Variants in UST observed in about 807,000 individuals in gnomAD.
UST encodes chondroitin sulfate 2-O-sulfotransferase.
In UST, 21 loss-of-function variants were observed where a neutral mutation model predicts 45.6. The ratio of observed to expected loss-of-function variants is 0.46; its 90% confidence interval spans 0.33 to 0.66. The LOEUF is 0.66. Among genes scored for constraint, UST ranks in the 30% least tolerant of loss-of-function variants. UST has a pLI of 0.02. For missense variants in UST, 463 were observed against 512.4 expected, an observed-to-expected ratio of 0.90 and a Z score of 0.93; for synonymous variants, 215 against 200.6, an observed-to-expected ratio of 1.07 and a Z score of -0.61.
intron 1 of UST, among the ~76,000 whole-genome samples, chr6:148,759,448 A>G (rs557706874): frequency 2.6e-5 from 4 of 151,636 alleles, no homozygotes; most frequent in Non-Finnish European, 5.9e-5. Context: ...AATGTCATGA[A>G]CCCAGGAGGC....
At chr6:148,986,763 C>T (rs1781245709) in intron 5 of UST, among the ~76,000 whole-genome samples, 1 of 152,226 alleles carries the variant, frequency 6.6e-6, no homozygotes, top group African/African-American at 2.4e-5. Flanking sequence ...CTGTGGAGAG[C>T]TTGCCATGCC....
chr6:148,855,061 C>G (rs933190466), intron 1 of UST, among the ~76,000 whole-genome samples: 2 of 152,148 alleles, frequency 1.3e-5, no homozygotes, highest in South Asian at 4.1e-4. Flanking sequence ...AGAGCTTGTA[C>G]AGGCTTTTTA....
intron 5 of UST, among the ~76,000 whole-genome samples, chr6:149,001,556 C>T (rs1206090000): frequency 1.3e-5 from 2 of 152,160 alleles, no homozygotes; most frequent in African/African-American, 2.4e-5. Flanking sequence ...CAATAGATAT[C>T]AGATGACAGT....
rs565352569 is a variant in UST, at chr6:148,765,548, G to A, written c.247+17871G>A. Among the ~76,000 whole-genome samples the A allele has an allele frequency of 3.3e-5, 5 of 152,288 alleles. No individual in the cohort carries two copies. The East Asian group carries it at 9.6e-4, about 29-fold the overall frequency. On this transcript the variant is annotated intron_variant, in intron 1 of 7. Transcript: ENST00000367463. ...CACACATGCTCTACAAACAATTTGTGTAGTTAATACAATCGTCACAGGGTC... is the reference window on the plus strand; with the variant it reads ...CACACATGCTCTACAAACAATTTGTATAGTTAATACAATCGTCACAGGGTC...
chr6:149,054,077 CA>C (rs1298571977), intron 7 of UST, among the ~76,000 whole-genome samples: 1 of 152,166 alleles, frequency 6.6e-6, no homozygotes, highest in Non-Finnish European at 1.5e-5. Context: ...CCATGCCCAG[CA>C]GCTCCCTCCC....
chr6:148,836,188 C>G (rs1204177128), intron 1 of UST, among the ~76,000 whole-genome samples: 1 of 152,154 alleles, frequency 6.6e-6, no homozygotes, highest in Admixed American at 6.5e-5. Context: ...AGCCCTGCAG[C>G]TACGTGTGCT....
chr6:148,886,555 C>A (rs997767593), intron 1 of UST, among the ~76,000 whole-genome samples: 1 of 152,164 alleles, frequency 6.6e-6, no homozygotes, highest in African/African-American at 2.4e-5. Flanking sequence ...GTATGGGGTT[C>A]AGGACCGGCA....
chr6:148,753,014 G>A (rs2114644392), intron 1 of UST, among the ~76,000 whole-genome samples: 1 of 152,240 alleles, frequency 6.6e-6, no homozygotes, highest in South Asian at 2.1e-4. Flanking sequence ...CAGAAATAGG[G>A]ACAGAAACAC....
At chr6:148,899,091 CCTTTT>C in intron 2 of UST, among the ~76,000 whole-genome samples, 1 of 127,240 alleles carries the variant, frequency 7.9e-6, no homozygotes, top group Non-Finnish European at 1.6e-5. Flanking sequence ...GCTACCTAAT[CCTTTT>C]TTTTTTTTTT....
chr6:148,980,895 AT>A (rs1459604664), intron 5 of UST, among the ~76,000 whole-genome samples: 5 of 149,318 alleles, frequency 3.3e-5, no homozygotes, highest in African/African-American at 1.2e-4. Flanking sequence ...AATTTTTGTA[AT>A]TTTTTTTTTG....
At chr6:149,013,235 G>A in intron 5 of UST, among the ~76,000 whole-genome samples, 1 of 152,200 alleles carries the variant, frequency 6.6e-6, no homozygotes, top group East Asian at 1.9e-4. Flanking sequence ...TCTAGATCTT[G>A]AGATTATAAA....
At chr6:148,827,077 A>C (rs187696057) in intron 1 of UST, among the ~76,000 whole-genome samples, 9 of 152,300 alleles carry the variant, frequency 5.9e-5, no homozygotes, top group African/African-American at 1.9e-4. Flanking sequence ...ACCAATAAAT[A>C]AGGGCATTGT....
At chr6:149,010,932 A>ATTTGTC (rs1459237761) in intron 5 of UST, among the ~76,000 whole-genome samples, 1 of 137,500 alleles carries the variant, frequency 7.3e-6, no homozygotes, top group Non-Finnish European at 1.6e-5. Context: ...GTGACTATTT[A>ATTTGTC]TTTGTCTTTA....
intron 1 of UST, among the ~76,000 whole-genome samples, chr6:148,802,580 C>G (rs560902557): frequency 2.6e-5 from 4 of 152,322 alleles, no homozygotes; most frequent in African/African-American, 9.6e-5. Flanking sequence ...TTCTCTCTCT[C>G]TCATGCTGTT....
intron 2 of UST, among the ~76,000 whole-genome samples, chr6:148,931,967 C>T (rs989921725): frequency 1.3e-5 from 2 of 152,256 alleles, no homozygotes; most frequent in African/African-American, 4.8e-5. Flanking sequence ...CAAACTTGCA[C>T]TCTCCCATTG....
intron 5 of UST, among the ~76,000 whole-genome samples, chr6:148,990,037 A>G (rs1288532089): frequency 6.6e-6 from 1 of 152,212 alleles, no homozygotes; most frequent in African/African-American, 2.4e-5. Context: ...AGAAAGTTCA[A>G]AGACTTTTGC....
intron 7 of UST, among the ~76,000 whole-genome samples, chr6:149,073,323 G>A (rs1776844193): frequency 2.0e-5 from 3 of 152,096 alleles, no homozygotes; most frequent in African/African-American, 4.8e-5. Context: ...AAGAAATCTG[G>A]CAGCCCTTCC....
At chr6:148,987,894 A>C (rs1381947630) in intron 5 of UST, among the ~76,000 whole-genome samples, 1 of 152,066 alleles carries the variant, frequency 6.6e-6, no homozygotes, top group Non-Finnish European at 1.5e-5. Flanking sequence ...ATGAGCATCT[A>C]CTTTATGCCA....
chr6:148,963,609 T>G (rs1780714712), intron 4 of UST, among the ~76,000 whole-genome samples: 1 of 152,226 alleles, frequency 6.6e-6, no homozygotes, highest in Non-Finnish European at 1.5e-5. Flanking sequence ...TTGAGGATAA[T>G]TATGTTGAAT....
Sources: gnomAD v4.1 joint callset for allele counts (sites outside exome capture counted in the v4.1 genomes callset) on GRCh38, gnomAD v4.1.1 for gene constraint, MANE v1.5 for transcripts, NCBI Gene and HGNC (gene_info 2026-07-23, HGNC 2026-07-21) for gene names.